Variants in NAV2 observed in about 807,000 individuals in gnomAD.
NAV2 encodes neuron navigator 2.
In NAV2, 54 loss-of-function variants were observed where a neutral mutation model predicts 223.2. The ratio of observed to expected loss-of-function variants is 0.24; its 90% CI spans 0.19 to 0.30. The LOEUF (loss-of-function observed/expected upper bound fraction) is 0.30, where lower values mean the gene tolerates loss of function less well. Ranked by LOEUF, NAV2 falls within the 10% of genes least tolerant of loss-of-function variation. NAV2 has a pLI of 1.00. For missense variants in NAV2, 2,806 were observed against 3,147.5 expected (o/e 0.89, Z 2.60); for synonymous variants, 1,279 against 1,239.3 (o/e 1.03, Z -0.67).
intron 4 of NAV2, among the ~76,000 whole-genome samples, chr11:19,877,037 CATG>C (rs1227407213): frequency 6.6e-6 from 1 of 151,314 alleles, no homozygotes; most frequent in Non-Finnish European, 1.5e-5. Flanking sequence ...TAAAATAAAA[CATG>C]ATGGCTATAC....
At chr11:19,675,697 G>A (rs79115123) in intron 1 of NAV2, among the ~76,000 whole-genome samples, 2,120 of 152,254 alleles carry the variant, frequency 0.014, 46 homozygotes, top group African/African-American at 0.049. Flanking sequence ...GAGCTGTGGA[G>A]TGTACCAACC....
intron 5 of NAV2, 60 bp from the exon 6 acceptor site, chr11:19,892,374 T>C: frequency 6.5e-7 from 1 of 1,537,254 alleles, no homozygotes; most frequent in East Asian, 2.3e-5. Flanking sequence ...AGTTCCTTCT[T>C]CCTACACACT....
intron 19 of NAV2, 21 bp from the exon 20 acceptor site, chr11:20,062,286 C>CTT: frequency 1.5e-5 from 20 of 1,379,278 alleles, no homozygotes; most frequent in Admixed American, 1.9e-5. Flanking sequence ...ATCAATTCAC[C>CTT]TTTTTTTTTT....
At chr11:19,708,908 A>G (rs1397141952), upstream of NAV2, among the ~76,000 whole-genome samples, 2 of 151,772 alleles carry the variant, frequency 1.3e-5, no homozygotes, top group East Asian at 1.9e-4. Context: ...GTAAAAAAAA[A>G]AAAAAAAGAA....
chr11:19,539,899 G>T (rs1396491350), intron 1 of NAV2, among the ~76,000 whole-genome samples: 1 of 152,174 alleles, frequency 6.6e-6, no homozygotes, highest in African/African-American at 2.4e-5. Flanking sequence ...GATAGGTCGT[G>T]GAGGGGGACC....
intron 1 of NAV2, among the ~76,000 whole-genome samples, chr11:19,357,199 C>T (rs1464914278): frequency 6.6e-6 from 1 of 151,854 alleles, no homozygotes; most frequent in East Asian, 1.9e-4. Flanking sequence ...TTTGTTAAAG[C>T]CCTTTTACTT....
chr11:20,060,495 A>T (rs2153621392), intron 19 of NAV2, among the ~76,000 whole-genome samples: 1 of 152,378 alleles, frequency 6.6e-6, no homozygotes, highest in South Asian at 2.1e-4. Flanking sequence ...GTCATGGATG[A>T]AGAAAGCACG....
intron 6 of NAV2, among the ~76,000 whole-genome samples, chr11:19,927,540 G>A (rs1467003519): frequency 1.3e-5 from 2 of 152,124 alleles, no homozygotes; most frequent in African/African-American, 2.4e-5. Context: ...ACTCCAGCCT[G>A]GGCAACAAGA....
At chr11:19,532,883 T>A (rs1420839753) in intron 1 of NAV2, among the ~76,000 whole-genome samples, 1 of 152,132 alleles carries the variant, frequency 6.6e-6, no homozygotes, top group Non-Finnish European at 1.5e-5. Context: ...TGCAAAAAGG[T>A]CAACAGAAAG....
chr11:19,865,972 C>A (rs1459273711), intron 3 of NAV2, among the ~76,000 whole-genome samples: 1 of 152,176 alleles, frequency 6.6e-6, no homozygotes, highest in Non-Finnish European at 1.5e-5. Context: ...GGGAGGAGGA[C>A]CTCCTGGTTT....
intron 1 of NAV2, among the ~76,000 whole-genome samples, chr11:19,639,532 T>G (rs567814761): frequency 3.3e-5 from 5 of 152,252 alleles, no homozygotes; most frequent in Non-Finnish European, 7.3e-5. Context: ...TTTCCAGTTT[T>G]TAATAAGGTT....
chr11:20,097,960 T>C (rs2289561), intron 31 of NAV2, among the ~76,000 whole-genome samples: 27,520 of 152,152 alleles, frequency 0.18, 2,758 homozygotes, highest in South Asian at 0.4. Flanking sequence ...GCTGCAATTA[T>C]CTAACAAAAG....
At chr11:19,947,235 A>G (rs1304002220) in intron 9 of NAV2, among the ~76,000 whole-genome samples, 1 of 152,192 alleles carries the variant, frequency 6.6e-6, no homozygotes, top group East Asian at 1.9e-4. Context: ...GCAGTTTTGG[A>G]AGATTGGGGT....
At chr11:20,018,427 C>T (rs1342948146) in intron 11 of NAV2, among the ~76,000 whole-genome samples, 1 of 150,036 alleles carries the variant, frequency 6.7e-6, no homozygotes, top group East Asian at 2.0e-4. Context: ...TTAACCTGGG[C>T]TTTATGGACA....
intron 1 of NAV2, among the ~76,000 whole-genome samples, chr11:19,595,031 C>T (rs898167836): frequency 4.6e-5 from 7 of 152,008 alleles, no homozygotes; most frequent in African/African-American, 1.4e-4. Context: ...GGGAGGGGAT[C>T]CCAGGAAGCG....
chr11:19,558,542 G>A (rs998090519), intron 1 of NAV2, among the ~76,000 whole-genome samples: 3 of 152,240 alleles, frequency 2.0e-5, no homozygotes, highest in Non-Finnish European at 4.4e-5. Context: ...GTACAGGGGA[G>A]AGAATCCAGT....
chr11:19,447,015 T>C (rs2632019), intron 1 of NAV2, among the ~76,000 whole-genome samples: 29,281 of 152,126 alleles, frequency 0.19, 2,880 homozygotes, highest in Middle Eastern at 0.27. Flanking sequence ...GTGAGGTTAC[T>C]ATGCTGCCTG....
chr11:19,590,412 C>G (rs908268834), intron 1 of NAV2, among the ~76,000 whole-genome samples: 1 of 152,064 alleles, frequency 6.6e-6, no homozygotes, highest in African/African-American at 2.4e-5. Flanking sequence ...TTTAGCATCC[C>G]CCTTACCCAG....
At chr11:19,346,091 T>G (rs900289294), upstream of NAV2, among the ~76,000 whole-genome samples, 1 of 152,204 alleles carries the variant, frequency 6.6e-6, no homozygotes, top group Non-Finnish European at 1.5e-5. Context: ...GTTTTCTGTC[T>G]GCGCCTCTGT....
Sources: gnomAD v4.1 joint callset for allele counts (sites outside exome capture counted in the v4.1 genomes callset) on GRCh38, gnomAD v4.1.1 for gene constraint, MANE v1.5 for transcripts, NCBI Gene and HGNC (gene_info 2026-07-23, HGNC 2026-07-21) for gene names.